Variants in LCOR observed in about 807,000 individuals in gnomAD.
LCOR encodes ligand-dependent corepressor.
A neutral mutation model predicts 64.4 loss-of-function variants in LCOR; 14 were observed. That is an observed-to-expected ratio of 0.22 (90% CI 0.14 to 0.34). The LOEUF is 0.34. Among genes scored for constraint, LCOR ranks in the 10% least tolerant of loss-of-function variants. LCOR has a pLI of 1.00. For synonymous variants in LCOR, 643 were observed against 642.5 expected (o/e 1.00, Z -0.01); for missense variants, 1,686 against 1,765.3 (o/e 0.96, Z 0.80).
At position 96,935,139 on chromosome 10, in the gene LCOR, CTTTTTTTTTTTT is replaced by C. The variant is rs34176037; in HGVS notation, c.-183-8958_-183-8947del. Among the ~76,000 whole-genome samples the C allele has an allele frequency of 4.6e-3, 303 of 65,552 alleles. 2 individuals carry two copies. The highest frequency in any genetic ancestry group is 0.011 in the South Asian group (17 of 1,566). 43.0% of individuals were successfully genotyped at this position (65,552 alleles called of 152,430 possible). A position where few individuals can be genotyped will look rare whatever the true frequency, so the allele number is the denominator to read the frequency against. ...TTTTCCTTATCTCCTGGCTATTTTA[CTTTTTTTTTTTT>C]TTTTTTTTTTTTTTTGAGACAGAGT... On this transcript the variant is annotated intron_variant, in intron 4 of 7. Transcript: ENST00000421806.
chr10:96,944,983 T>C (rs909797169), intron 5 of LCOR, among the ~76,000 whole-genome samples: 19 of 152,160 alleles, frequency 1.2e-4, no homozygotes, highest in African/African-American at 4.6e-4. Flanking sequence ...AAAGTTCCCT[T>C]CATGTTCCTT....
chr10:96,896,213 G>A (rs1846534040), intron 2 of LCOR, among the ~76,000 whole-genome samples: 1 of 152,172 alleles, frequency 6.6e-6, no homozygotes, highest in Admixed American at 6.5e-5. Flanking sequence ...TTAGAGGCGT[G>A]TGGGTTGAGG....
intron 7 of LCOR, chr10:96,955,243 A>C: frequency 1.9e-6 from 3 of 1,614,202 alleles, no homozygotes; most frequent in Non-Finnish European, 2.5e-6. Flanking sequence ...AGCCGTATGA[A>C]GTTCAGGGGA....
At chr10:96,918,374 G>A (rs1846991564) in intron 4 of LCOR, among the ~76,000 whole-genome samples, 1 of 152,078 alleles carries the variant, frequency 6.6e-6, no homozygotes. Context: ...GAGAGAATAG[G>A]TTCTCAAGAA....
intron 2 of LCOR, among the ~76,000 whole-genome samples, chr10:96,876,047 C>T (rs1411669241): frequency 1.4e-5 from 2 of 146,138 alleles, no homozygotes; most frequent in African/African-American, 5.3e-5. Flanking sequence ...GTAGAAGCAA[C>T]ATAGACAATT....
At chr10:96,924,465 G>C (rs1181127478) in intron 4 of LCOR, among the ~76,000 whole-genome samples, 9 of 151,582 alleles carry the variant, frequency 5.9e-5, no homozygotes, top group Non-Finnish European at 1.3e-4. Flanking sequence ...TGGTCTCAAA[G>C]TCCTGAGTTC....
intron 4 of LCOR, among the ~76,000 whole-genome samples, chr10:96,916,215 T>G (rs1411617748): frequency 6.6e-6 from 1 of 151,874 alleles, no homozygotes; most frequent in Non-Finnish European, 1.5e-5. Flanking sequence ...GTATTTTTAG[T>G]AGAGATGGGG....
intron 5 of LCOR, among the ~76,000 whole-genome samples, chr10:96,948,644 T>C (rs1203272921): frequency 6.6e-6 from 1 of 152,212 alleles, no homozygotes; most frequent in Non-Finnish European, 1.5e-5. Context: ...GAGGAAAAAG[T>C]CTAGGGTTAC....
In LCOR at chr10:96,983,855, G is replaced by A; in HGVS notation, c.3395G>A (p.Gly1132Glu). ...GGCTGGATCCAGTTGGAGAAAGAAG[G>A]ACAGCCAACACCAAGAGCAAGGAAC... Reference protein sequence around the residue: ...QKGWIQLEKEGQPTPRARNKS... With the variant: ...QKGWIQLEKEEQPTPRARNKS... Residue 1132 changes from glycine to glutamate, a missense_variant, in exon 8 of 8, where the codon GGA becomes GAA. By Grantham distance (98) the Gly-to-Glu change is moderately conservative. Around this residue, in one of 3 missense-constraint regions of LCOR, gnomAD observed 1,293 missense variants for 1,410.4 expected, o/e 0.92. Coordinates refer to ENST00000421806, the MANE Select transcript of LCOR (RefSeq NM_001346516.2). This position sits in a 1 kb window ranked among gnomAD's most constrained non-coding sequence, Gnocchi z 4.5. 1.9e-6 allele frequency: 3 copies of A among 1,614,126 alleles called. No homozygotes were observed. Among genetic ancestry groups the A allele is most frequent in the South Asian group, 1.1e-5 (1 of 91,064 alleles).
chr10:96,926,007 G>A (rs1183035232), intron 4 of LCOR, among the ~76,000 whole-genome samples: 1 of 152,154 alleles, frequency 6.6e-6, no homozygotes, highest in East Asian at 1.9e-4. Context: ...GCCACCTCCT[G>A]TGTCCTTTTG....
At position 96,984,800 on chromosome 10, in the gene LCOR, C is replaced by T. The variant is rs1848132264; in HGVS notation, c.4340C>T (p.Pro1447Leu). ...GCAAGGGACAGAAGCAGCCAACCCC[C>T]CAAAAAGACGTCTTTGAAAGAGAAT... ...PAARDRSSQP[P>L]KKTSLKENKV... is the part of the protein sequence containing the mutation. The change falls in exon 8 of 8, where the codon CCC becomes CTC. Residue 1447 changes from proline (P) to leucine (L), a missense_variant. Physicochemically the swap from Pro to Leu is moderately conservative, Grantham distance 98 (BLOSUM62 -3). Transcript: ENST00000421806. 5 of 1,614,070 alleles carry T rather than the reference C, an allele frequency of 3.1e-6. No individual in the cohort carries two copies. Among genetic ancestry groups the T allele is most frequent in the Middle Eastern group, 1.6e-4 (1 of 6,062 alleles).
At chr10:96,833,872 A>G (rs1229160712) in intron 2 of LCOR, among the ~76,000 whole-genome samples, 1 of 151,734 alleles carries the variant, frequency 6.6e-6, no homozygotes, top group Non-Finnish European at 1.5e-5. Context: ...TGCGAGGGGG[A>G]GAACAGACAC....
At chr10:96,834,454 G>C (rs543672932) in intron 2 of LCOR, among the ~76,000 whole-genome samples, 1 of 152,224 alleles carries the variant, frequency 6.6e-6, no homozygotes, top group East Asian at 1.9e-4. Flanking sequence ...TTCTTTCAAA[G>C]TATTATTATG....
intron 7 of LCOR, among the ~76,000 whole-genome samples, chr10:96,976,927 C>T (rs1425918115): frequency 1.3e-5 from 2 of 152,224 alleles, no homozygotes; most frequent in Admixed American, 6.5e-5. Flanking sequence ...TAGGAAGAAC[C>T]GTTTATCTCT....
At position 96,982,606 on chromosome 10, in the gene LCOR, C is replaced by A; in HGVS notation, c.2146C>A (p.Pro716Thr). Residue 716 changes from proline (P) to threonine (T), a missense_variant, in exon 8 of 8, where the codon CCC (proline) becomes ACC (threonine). Physicochemically the swap from Pro to Thr is conservative, Grantham distance 38. Transcript: ENST00000421806. ...TCAGAGTTCCCCAATGGGCTTGGAGCCCCCCATGAGTCTGGGAAAGGCTGA... is the reference window on the plus strand; with the variant it reads ...TCAGAGTTCCCCAATGGGCTTGGAGACCCCCATGAGTCTGGGAAAGGCTGA... Reference protein sequence around the residue: ...ENQSSPMGLEPPMSLGKAEDN... With the variant: ...ENQSSPMGLETPMSLGKAEDN... 1 of 1,614,096 alleles carries A rather than the reference C, an allele frequency of 6.2e-7. No homozygotes were observed. Among genetic ancestry groups the A allele is most frequent in the Admixed American group, 1.7e-5 (1 of 60,018 alleles).
rs1374992107 is a variant in LCOR, at chr10:96,985,861, T to TA, written c.*733dup. The TA allele has an allele frequency of 3.0e-5, 5 of 167,064 alleles. No individual in the cohort carries two copies. Among genetic ancestry groups the TA allele is most frequent in the African/African-American group, 1.2e-4 (5 of 41,450 alleles). The allele number at this position is 167,064 out of a possible 1,614,324, so 10.3% of individuals were successfully genotyped here. On this transcript the variant is annotated 3_prime_UTR_variant, in exon 8 of 8. Transcript: ENST00000421806. ...AGTGTTAATTTTTGTTTACAAACTCTAAAAAATCATTTGCATCCCCAAACT... is the reference window on the plus strand; with the variant it reads ...AGTGTTAATTTTTGTTTACAAACTCTAAAAAAATCATTTGCATCCCCAAACT...
At chr10:96,960,002 C>T (rs1847853868) in intron 7 of LCOR, 1 of 152,178 alleles carries the variant, frequency 6.6e-6, no homozygotes, top group Non-Finnish European at 1.5e-5. Context: ...TTTTCCCCAA[C>T]ATTTACCTTA....
chr10:96,903,338 C>T lies in LCOR; in HGVS notation c.-329-3927C>T, dbSNP rs114443249. On this transcript the variant is annotated intron_variant, in intron 2 of 7. Transcript: ENST00000421806. ...TCACCAAGCAGTAGGAATTTTTCAGCTCCGTTATAATTTTATGGGACTACC... is the reference window on the plus strand; with the variant it reads ...TCACCAAGCAGTAGGAATTTTTCAGTTCCGTTATAATTTTATGGGACTACC... 3.3e-3 allele frequency among the ~76,000 whole-genome samples: 502 copies of T among 152,236 alleles called. 3 individuals carry two copies. The highest frequency in any genetic ancestry group is 0.012 in the African/African-American group (483 of 41,540).
rs1377674831 is a variant in LCOR, at chr10:96,920,494, A to G, written c.-184+12747A>G. Among the ~76,000 whole-genome samples the G allele has an allele frequency of 4.3e-5, 4 of 92,906 alleles. No individual in the cohort carries two copies. In the East Asian group the frequency reaches 1.3e-3, roughly 29 times the overall value. 60.9% of individuals were successfully genotyped at this position (92,906 alleles called of 152,430 possible). ...TGTATATATATGTATATTCATATAT[A>G]TGTGTATATATGTATGTATATTCAG... On this transcript the variant is annotated intron_variant, in intron 4 of 7. Coordinates refer to ENST00000421806, the MANE Select transcript of LCOR (RefSeq NM_001346516.2).
Sources: gnomAD v4.1 joint callset for allele counts (sites outside exome capture counted in the v4.1 genomes callset) on GRCh38, gnomAD v4.1.1 for gene constraint, gnomAD v4.1.1 regional missense constraint, Gnocchi (gnomAD v3.1) non-coding constraint, MANE v1.5 for transcripts, NCBI Gene and HGNC (gene_info 2026-07-23, HGNC 2026-07-21) for gene names.